Variants in ETS1 observed in about 807,000 individuals in gnomAD.
ETS1 encodes the protein protein C-ets-1.
A neutral mutation model predicts 58.6 loss-of-function variants in ETS1; 15 were observed. That is an observed-to-expected ratio of 0.26 (90% CI 0.17 to 0.39). The LOEUF (loss-of-function observed/expected upper bound fraction) is 0.39, where lower values mean the gene tolerates loss of function less well. Ranked by LOEUF, ETS1 falls within the 10% of genes least tolerant of loss-of-function variation. The pLI is 1.00. For synonymous variants in ETS1, 214 were observed against 218.2 expected (o/e 0.98, Z 0.17); for missense variants, 417 against 610.5 (o/e 0.68, Z 3.34).
chr11:128,462,682 G>GA, intron 9 of ETS1, 106 bp from the exon 10 acceptor site: 3 of 785,214 alleles, frequency 3.8e-6, no homozygotes, highest in Non-Finnish European at 4.2e-6. Context: ...GGTGACCCAT[G>GA]ATGCTCAAGT....
chr11:128,463,051 A>T lies in ETS1; in HGVS notation c.1242+458T>A, dbSNP rs1861944802. Among the ~76,000 whole-genome samples, 1 of 152,176 alleles carries T rather than the reference A, an allele frequency of 6.6e-6. No homozygotes were observed. The highest frequency in any genetic ancestry group is 1.5e-5 in the Non-Finnish European group (1 of 68,032). On this transcript the variant is annotated intron_variant, in intron 9 of 9. Coordinates refer to ENST00000392668, the MANE Select transcript of ETS1 (RefSeq NM_001143820.2). The surrounding 1 kb of genome is among the most constrained non-coding windows in gnomAD (Gnocchi z 4.1). ...TTTTCTCATGTCTGCCAGAACAAAG[A>T]TGTTGTCTCTCCTGTTCATTGTTTT...
intron 3 of ETS1, among the ~76,000 whole-genome samples, chr11:128,516,598 G>A: frequency 6.6e-6 from 1 of 152,186 alleles, no homozygotes. Context: ...TGGCAGGGGA[G>A]TGTGCCTGTG....
intron 3 of ETS1, among the ~76,000 whole-genome samples, chr11:128,505,581 C>T (rs1037860482): frequency 1.3e-5 from 2 of 152,166 alleles, no homozygotes; most frequent in South Asian, 4.1e-4. Flanking sequence ...CTCGCCCACA[C>T]GGACCCAGGG....
chr11:128,521,959 G>T, intron 3 of ETS1: 1 of 1,604,702 alleles, frequency 6.2e-7, no homozygotes, highest in Non-Finnish European at 8.5e-7. Flanking sequence ...TCTTGATGAT[G>T]GTGAGAGTCG....
intron 3 of ETS1, chr11:128,522,225 TCGCCCGCGCCG>T: frequency 1.6e-6 from 2 of 1,216,672 alleles, no homozygotes; most frequent in South Asian, 2.5e-5. Context: ...GGTCCCAGCC[TCGCCCGCGCCG>T]CGCCCGCTCC....
chr11:128,472,156 C>T lies in ETS1; in HGVS notation c.1123+8035G>A, dbSNP rs548545060. 1.3e-3 allele frequency among the ~76,000 whole-genome samples: 200 copies of T among 152,250 alleles called. 1 individual carries two copies. Among genetic ancestry groups the T allele is most frequent in the African/African-American group, 4.6e-3 (191 of 41,532 alleles). ...TGATAAGCTGAAAGTGTCCTACCTACGCCTTTAAAGAAAAAAAGAACAGAG... is the reference window on the plus strand; with the variant it reads ...TGATAAGCTGAAAGTGTCCTACCTATGCCTTTAAAGAAAAAAAGAACAGAG... On this transcript the variant is annotated intron_variant, in intron 8 of 9. Transcript: ENST00000392668.
intron 3 of ETS1, among the ~76,000 whole-genome samples, chr11:128,525,255 A>G (rs1465644923): frequency 2.0e-5 from 3 of 152,162 alleles, no homozygotes; most frequent in Non-Finnish European, 2.9e-5. Flanking sequence ...GAGCTAGACA[A>G]TAATATTAAG....
intron 2 of ETS1, among the ~76,000 whole-genome samples, chr11:128,571,428 AGAG>A (rs1864626862): frequency 1.4e-5 from 2 of 138,274 alleles, no homozygotes; most frequent in African/African-American, 5.4e-5. Flanking sequence ...CCTGGGCGAC[AGAG>A]CGAGACTCCG....
At chr11:128,566,806 A>G (rs1864512938) in intron 2 of ETS1, among the ~76,000 whole-genome samples, 1 of 151,160 alleles carries the variant, frequency 6.6e-6, no homozygotes, top group South Asian at 2.1e-4. Context: ...AAAGAGTACC[A>G]GAGTACCAGA....
At chr11:128,509,204 TTCA>T (rs1863324481) in intron 3 of ETS1, among the ~76,000 whole-genome samples, 1 of 152,232 alleles carries the variant, frequency 6.6e-6, no homozygotes, top group South Asian at 2.1e-4. Flanking sequence ...AAGAGAGACC[TTCA>T]GAAATCCAGA....
At chr11:128,507,190 T>G (rs1412886871) in intron 3 of ETS1, among the ~76,000 whole-genome samples, 1 of 152,156 alleles carries the variant, frequency 6.6e-6, no homozygotes, top group Non-Finnish European at 1.5e-5. Flanking sequence ...AGAGCACCTC[T>G]GATTGGTTCC....
intron 3 of ETS1, among the ~76,000 whole-genome samples, chr11:128,544,519 A>G (rs533637949): frequency 2.0e-5 from 3 of 151,862 alleles, no homozygotes; most frequent in African/African-American, 4.8e-5. Context: ...GCTCAAAGAC[A>G]TTGCAATTCC....
At chr11:128,578,907 T>G (rs780636575) in intron 1 of ETS1, among the ~76,000 whole-genome samples, 2 of 152,226 alleles carry the variant, frequency 1.3e-5, no homozygotes, top group African/African-American at 4.8e-5. Context: ...CCCCAATTCT[T>G]TGTCATTATA....
At chr11:128,527,655 C>G (rs966732798) in intron 3 of ETS1, among the ~76,000 whole-genome samples, 2 of 152,166 alleles carry the variant, frequency 1.3e-5, no homozygotes. Flanking sequence ...AACCAACATC[C>G]TTTAATAATA....
At chr11:128,569,312 TTTC>T (rs1184671858) in intron 2 of ETS1, among the ~76,000 whole-genome samples, 68 of 132,072 alleles carry the variant, frequency 5.1e-4, no homozygotes, top group Middle Eastern at 3.6e-3. Flanking sequence ...TGGGACAGAG[TTTC>T]TTCTTTTTTT....
rs762144599 is a variant in ETS1 at position 128,587,507 on chromosome 11, G to A, written c.-34C>T. 4.6e-5 allele frequency: 7 copies of A among 152,354 alleles called. No individual in the cohort carries two copies. The highest frequency in any genetic ancestry group is 2.0e-4 in the Admixed American group (3 of 15,288). The allele number at this position is 152,354 out of a possible 1,614,324, so 9.4% of individuals were successfully genotyped here. A position where few individuals can be genotyped will look rare whatever the true frequency, so the allele number is the denominator to read the frequency against. On this transcript the variant is annotated 5_prime_UTR_variant, in exon 1 of 10. Coordinates refer to ENST00000392668, the MANE Select transcript of ETS1 (RefSeq NM_001143820.2). Reference sequence around the variant, plus strand: ...ACACACCTCACTTACTACTTTGCCGGAGAGCAGATCCTGAGTGAGCTTCCC... The same window carrying A: ...ACACACCTCACTTACTACTTTGCCGAAGAGCAGATCCTGAGTGAGCTTCCC...
intron 2 of ETS1, among the ~76,000 whole-genome samples, chr11:128,566,594 T>G (rs184718183): frequency 2.6e-5 from 4 of 151,964 alleles, no homozygotes; most frequent in Admixed American, 6.6e-5. Context: ...CCATCCTGGC[T>G]AACACAGTGA....
At chr11:128,533,101 G>C (rs191882586) in intron 3 of ETS1, among the ~76,000 whole-genome samples, 21 of 152,118 alleles carry the variant, frequency 1.4e-4, no homozygotes, top group Admixed American at 1.1e-3. Flanking sequence ...ATCAATGTTG[G>C]TGAGTTTGTT....
chr11:128,487,548 G>T (rs879322231), intron 5 of ETS1, among the ~76,000 whole-genome samples: 2 of 152,138 alleles, frequency 1.3e-5, no homozygotes, highest in Non-Finnish European at 2.9e-5. Context: ...AGACCATCCT[G>T]GCCAACACGG....
Sources: gnomAD v4.1 joint callset for allele counts (sites outside exome capture counted in the v4.1 genomes callset) on GRCh38, gnomAD v4.1.1 for gene constraint, Gnocchi (gnomAD v3.1) non-coding constraint, MANE v1.5 for transcripts, NCBI Gene and HGNC (gene_info 2026-07-23, HGNC 2026-07-21) for gene names.